PEDS1: variants seen among roughly 807,000 people sequenced by gnomAD.
PEDS1 encodes the protein CarF homolog.
PEDS1 carries 14 observed loss-of-function variants against 35.2 expected under a neutral mutation model. The ratio of observed to expected loss-of-function variants is 0.40; its 90% CI spans 0.26 to 0.62. PEDS1 has a LOEUF of 0.62. Among genes scored for constraint, PEDS1 ranks in the 20% least tolerant of loss-of-function variants. PEDS1 has a pLI of 0.44. For synonymous variants in PEDS1, 152 were observed against 152.0 expected (o/e 1.00, Z 0.00); for missense variants, 260 against 367.8 (o/e 0.71, Z 2.40).
chr20:50,143,732 C>A, intron 1 of PEDS1, 111 bp from the exon 2 acceptor site: 6 of 1,468,994 alleles, frequency 4.1e-6, no homozygotes, highest in Non-Finnish European at 4.5e-6. Context: ...GAGTCTCACT[C>A]TATCACCCAG....
intron 2 of PEDS1, among the ~76,000 whole-genome samples, chr20:50,138,862 C>A (rs533800974): frequency 6.6e-6 from 1 of 152,216 alleles, no homozygotes; most frequent in South Asian, 2.1e-4. Flanking sequence ...GGATGGGAGA[C>A]GGCTCACCCC....
intron 2 of PEDS1, among the ~76,000 whole-genome samples, chr20:50,134,199 C>T (rs2081208621): frequency 6.6e-6 from 1 of 152,188 alleles, no homozygotes. Context: ...GAGGTCCTGT[C>T]CCCATAGCTC....
intron 1 of PEDS1, among the ~76,000 whole-genome samples, chr20:50,151,793 A>G (rs2081407027): frequency 6.6e-6 from 1 of 152,144 alleles, no homozygotes; most frequent in African/African-American, 2.4e-5. Flanking sequence ...CGGGAGGAGG[A>G]GCTTGCAGTG....
intron 2 of PEDS1, among the ~76,000 whole-genome samples, chr20:50,139,715 T>C (rs1284638793): frequency 1.3e-5 from 2 of 150,740 alleles, no homozygotes; most frequent in East Asian, 3.9e-4. Context: ...AGTCTCACTC[T>C]GTCGCCCAGG....
At position 50,129,747 on chromosome 20, in the gene PEDS1, C is replaced by T. The variant is rs547544609; in HGVS notation, c.334-57G>A. ...CAGCCTAAGGTGGTCAGCTGCTCTC[C>T]ACAGCCCCCTAAACACATTCACCCT... On this transcript the variant is annotated intron_variant, in intron 3 of 5. Transcript: ENST00000371652. The surrounding 1 kb of genome is among the most constrained non-coding windows in gnomAD (Gnocchi z 4.2). 1.1e-4 allele frequency: 175 copies of T among 1,601,886 alleles called. No homozygotes were observed. In the East Asian group the frequency reaches 3.8e-3, roughly 34 times the overall value.
In PEDS1 at chr20:50,132,603, T is replaced by G. The variant is rs903557549; in HGVS notation, c.242-1656A>C. Reference sequence around the variant, plus strand: ...CTTCCAGCATTTCCGATCTCCTATGTATATTGTTCTCCAAGCACTCGGCAC... The same window carrying G: ...CTTCCAGCATTTCCGATCTCCTATGGATATTGTTCTCCAAGCACTCGGCAC... On this transcript the variant is annotated intron_variant, in intron 2 of 5. Coordinates refer to ENST00000371652, the MANE Select transcript of PEDS1 (RefSeq NM_199129.4). Among the ~76,000 whole-genome samples, 3 of 152,256 alleles carry G rather than the reference T, an allele frequency of 2.0e-5. 1 individual carries two copies. In the South Asian group the frequency reaches 6.2e-4, roughly 32 times the overall value.
Position 50,129,707 on chromosome 20 carries a change from C to T in PEDS1, c.334-17G>A. 1.2e-6 allele frequency: 2 copies of T among 1,613,324 alleles called. No homozygotes were observed. Among genetic ancestry groups the T allele is most frequent in the Non-Finnish European group, 1.7e-6 (2 of 1,179,876 alleles). ...GATGAAAGCCTGGAGTTGAGGGGGA[C>T]ACAGCCCCAGCAGTCAGCCTAAGGT... is the stretch of plus-strand genomic sequence containing the variant. On this transcript the variant is annotated splice_polypyrimidine_tract_variant and intron_variant, in intron 3 of 5. Transcript: ENST00000371652. The surrounding 1 kb of genome is among the most constrained non-coding windows in gnomAD (Gnocchi z 4.2).
rs2081146620 is a variant in PEDS1, at chr20:50,129,240, G to T, written c.478+306C>A. ...AACAAGGTGGGTTGGGTGCAGGGAAGCAAGGAATAGTGGGGACGGTGGTAA... is the reference window on the plus strand; with the variant it reads ...AACAAGGTGGGTTGGGTGCAGGGAATCAAGGAATAGTGGGGACGGTGGTAA... On this transcript the variant is annotated intron_variant, in intron 4 of 5. Coordinates refer to ENST00000371652, the MANE Select transcript of PEDS1 (RefSeq NM_199129.4). This position sits in a 1 kb window ranked among gnomAD's most constrained non-coding sequence, Gnocchi z 4.2. 6.6e-6 allele frequency among the ~76,000 whole-genome samples: 1 copy of T among 152,198 alleles called. No individual in the cohort carries two copies. The highest frequency in any genetic ancestry group is 1.5e-5 in the Non-Finnish European group (1 of 68,028).
chr20:50,139,972 C>A (rs2081276077), intron 2 of PEDS1, among the ~76,000 whole-genome samples: 1 of 152,156 alleles, frequency 6.6e-6, no homozygotes, highest in African/African-American at 2.4e-5. Flanking sequence ...GCCTCCAGAC[C>A]TAGATTTCCA....
chr20:50,151,371 C>G, intron 1 of PEDS1: 1 of 1,121,552 alleles, frequency 8.9e-7, no homozygotes, highest in Middle Eastern at 2.3e-4. Flanking sequence ...AGTGGGGAAA[C>G]AGCAATCCCT....
chr20:50,129,543 C>T lies in PEDS1; in HGVS notation c.478+3G>A, dbSNP rs575557015. On this transcript the variant is annotated splice_donor_region_variant and intron_variant, in intron 4 of 5. Transcript: ENST00000371652. The surrounding 1 kb of genome is among the most constrained non-coding windows in gnomAD (Gnocchi z 4.2). ...CCAGCCCACCACTAGCTGGGTGTCT[C>T]ACCAGGGCTGTGGGTGCGGAACTTG... The T allele has an allele frequency of 1.2e-6, 2 of 1,614,124 alleles. No individual in the cohort carries two copies. Among genetic ancestry groups the T allele is most frequent in the South Asian group, 1.1e-5 (1 of 91,074 alleles).
At chr20:50,148,319 G>A (rs2081367327) in intron 1 of PEDS1, among the ~76,000 whole-genome samples, 1 of 152,174 alleles carries the variant, frequency 6.6e-6, no homozygotes, top group Non-Finnish European at 1.5e-5. Flanking sequence ...AGGGCCTGTG[G>A]GGTCAACTGG....
Position 50,127,916 on chromosome 20 carries a change from C to T in PEDS1, c.691+59G>A, listed in dbSNP as rs1489888262. ...GCTGTGATCTCTGCCCTCCTGACCT[C>T]GAAGATGGTGCAGTGGCTGGGGTGG... On this transcript the variant is annotated intron_variant, in intron 5 of 5. Transcript: ENST00000371652. 11 of 1,577,626 alleles carry T rather than the reference C, an allele frequency of 7.0e-6. No homozygotes were observed. In the East Asian group the frequency reaches 2.1e-4, roughly 30 times the overall value.
chr20:50,138,993 C>A (rs960726866), intron 2 of PEDS1, among the ~76,000 whole-genome samples: 5 of 152,144 alleles, frequency 3.3e-5, no homozygotes, highest in Admixed American at 2.0e-4. Context: ...AAAGGCCTGG[C>A]GTGGAGATGG....
chr20:50,136,579 C>T (rs1337644544), intron 2 of PEDS1, among the ~76,000 whole-genome samples: 4 of 151,950 alleles, frequency 2.6e-5, no homozygotes, highest in African/African-American at 4.8e-5. Context: ...AAAAATTAGC[C>T]GACCATGGTG....
chr20:50,131,416 G>T (rs2081178422), intron 2 of PEDS1, among the ~76,000 whole-genome samples: 3 of 152,112 alleles, frequency 2.0e-5, no homozygotes, highest in African/African-American at 7.2e-5. Context: ...GAGGTCAGGA[G>T]TTCGAGAATA....
chr20:50,129,220 G>C lies in PEDS1; in HGVS notation c.478+326C>G, dbSNP rs2147272813. ...CCAGGCAGGTAACACAAATGAACAAGGTGGGTTGGGTGCAGGGAAGCAAGG... is the reference window on the plus strand; with the variant it reads ...CCAGGCAGGTAACACAAATGAACAACGTGGGTTGGGTGCAGGGAAGCAAGG... On this transcript the variant is annotated intron_variant, in intron 4 of 5. Transcript: ENST00000371652. The surrounding 1 kb of genome is among the most constrained non-coding windows in gnomAD (Gnocchi z 4.2). 6.6e-6 allele frequency among the ~76,000 whole-genome samples: 1 copy of C among 152,288 alleles called. No homozygotes were observed. The highest frequency in any genetic ancestry group is 3.4e-3 in the Middle Eastern group (1 of 294).
In PEDS1 at chr20:50,129,612, C is replaced by T. The variant is rs765574165; in HGVS notation, c.412G>A (p.Asp138Asn). 6 of 1,614,076 alleles carry T rather than the reference C, an allele frequency of 3.7e-6. No individual in the cohort carries two copies. Among genetic ancestry groups the T allele is most frequent in the Non-Finnish European group, 5.1e-6 (6 of 1,180,014 alleles). Residue 138 changes from aspartate (D) to asparagine (N), a missense_variant, in exon 4 of 6, where the codon GAC (aspartate) becomes AAC (asparagine). Asp to Asn is a conservative substitution (Grantham distance 23). This residue lies in a region of PEDS1 where 34 missense variants were observed against 81.9 expected (regional missense o/e 0.41). Transcript: ENST00000371652. This position sits in a 1 kb window ranked among gnomAD's most constrained non-coding sequence, Gnocchi z 4.2. ...GGCAGCAGTGTCACCAGGCAGTTGT[C>T]CCCGTTGGTCTCGATGAAGTCGTGC... ...TRHDFIETNG[D>N]NCLVTLLPLL...
intron 5 of PEDS1, among the ~76,000 whole-genome samples, chr20:50,125,544 T>TTATC (rs57011944): frequency 0.048 from 7,132 of 147,422 alleles, 220 homozygotes; most frequent in Middle Eastern, 0.062. Flanking sequence ...ACATTACCCT[T>TTATC]TATCTATCTA....
Sources: allele counts gnomAD v4.1 joint callset (sites outside exome capture counted in the v4.1 genomes callset), GRCh38; gene constraint gnomAD v4.1.1; regional missense constraint gnomAD v4.1.1; non-coding constraint Gnocchi (gnomAD v3.1); transcripts MANE v1.5; gene names NCBI Gene and HGNC (gene_info 2026-07-23, HGNC 2026-07-21).